MAPKAPK2: variants seen among roughly 807,000 people sequenced by gnomAD.
MAPKAPK2 encodes MAPK activated protein kinase 2, also known as MAP kinase-activated protein kinase 2.
Under a neutral mutation model 48.8 loss-of-function variants are expected in MAPKAPK2, and 9 were observed. The observed-to-expected ratio is 0.18, with a 90% CI of 0.11 to 0.32. MAPKAPK2 has a LOEUF of 0.32. Ranked by LOEUF, MAPKAPK2 falls within the 10% of genes least tolerant of loss-of-function variation. The pLI, the probability that MAPKAPK2 is intolerant of heterozygous loss-of-function variation, is 1.00. For missense variants in MAPKAPK2, 331 were observed against 498.3 expected (o/e 0.66, Z 3.20); for synonymous variants, 202 against 190.6 (o/e 1.06, Z -0.49).
At position 206,732,725 on chromosome 1, in the gene MAPKAPK2, G is replaced by A. The variant is rs1033603088; in HGVS notation, c.*7G>A. Reference sequence around the variant, plus strand: ...TGCGGCTCTGGCCCACTGAGCCACCGCGCCCTCCTGCCCACGGGAGGACAA... The same window carrying A: ...TGCGGCTCTGGCCCACTGAGCCACCACGCCCTCCTGCCCACGGGAGGACAA... On this transcript the variant is annotated 3_prime_UTR_variant, in exon 10 of 10. Transcript: ENST00000367103. This position sits in a 1 kb window ranked among gnomAD's most constrained non-coding sequence, Gnocchi z 4.4. The A allele has an allele frequency of 7.4e-6, 12 of 1,613,928 alleles. No homozygotes were observed. The highest frequency in any genetic ancestry group is 2.7e-5 in the African/African-American group (2 of 74,930).
At chr1:206,730,226 C>T (rs1394355703) in intron 5 of MAPKAPK2, 128 bp downstream of exon 5, 1 of 1,090,580 alleles carries the variant, frequency 9.2e-7, no homozygotes, top group Non-Finnish European at 1.3e-6. Flanking sequence ...GGTGCTGGTT[C>T]TGCTGGGACC....
chr1:206,715,010 G>C (rs1045598469), intron 1 of MAPKAPK2, among the ~76,000 whole-genome samples: 2 of 152,108 alleles, frequency 1.3e-5, no homozygotes, highest in African/African-American at 4.8e-5. Context: ...ACCACTGCCA[G>C]CAGTGGTTCT....
chr1:206,710,041 C>T (rs1020031384), intron 1 of MAPKAPK2, among the ~76,000 whole-genome samples: 5 of 151,996 alleles, frequency 3.3e-5, no homozygotes, highest in South Asian at 4.1e-4. Flanking sequence ...TCACTGCCAG[C>T]TCTTTAGCAT....
At chr1:206,710,796 T>C (rs1239418204) in intron 1 of MAPKAPK2, among the ~76,000 whole-genome samples, 1 of 152,252 alleles carries the variant, frequency 6.6e-6, no homozygotes, top group Non-Finnish European at 1.5e-5. Context: ...CAAAGGCATA[T>C]GAAAGATACT....
chr1:206,721,440 C>T (rs995022433), intron 1 of MAPKAPK2, among the ~76,000 whole-genome samples: 5 of 152,170 alleles, frequency 3.3e-5, no homozygotes, highest in Non-Finnish European at 5.9e-5. Flanking sequence ...TGTATATTTT[C>T]TTAAAGATAC....
intron 1 of MAPKAPK2, among the ~76,000 whole-genome samples, chr1:206,721,093 TG>T (rs1233973099): frequency 3.9e-5 from 6 of 152,190 alleles, no homozygotes; most frequent in Non-Finnish European, 7.3e-5. Flanking sequence ...GTTTGGGCCA[TG>T]GGGGTAGGTC....
rs782597489 is a variant in MAPKAPK2, at chr1:206,731,679, C to A, written c.932C>A (p.Thr311Asn). The A allele has an allele frequency of 1.9e-6, 3 of 1,614,136 alleles. No individual in the cohort carries two copies. Among genetic ancestry groups the A allele is most frequent in the Non-Finnish European group, 1.7e-6 (2 of 1,180,012 alleles). ...CGGAATCTGCTGAAAACAGAGCCCA[C>A]CCAGAGAATGACCATCACCGAGTTT... ...LIRNLLKTEP[T>N]QRMTITEFMN... The change falls in exon 8 of 10, where the codon ACC becomes AAC. Residue 311 changes from threonine (T) to asparagine (N), a missense_variant. Transcript: ENST00000367103. This position sits in a 1 kb window ranked among gnomAD's most constrained non-coding sequence, Gnocchi z 5.9.
intron 1 of MAPKAPK2, 52 bp downstream of exon 1, chr1:206,685,560 C>A (rs1218855557): frequency 3.6e-6 from 5 of 1,380,214 alleles, no homozygotes; most frequent in East Asian, 3.5e-5. Flanking sequence ...GGCCCTGGAG[C>A]TCCACGGCGT....
At chr1:206,728,533 T>C in intron 1 of MAPKAPK2, among the ~76,000 whole-genome samples, 177 bp from the exon 2 acceptor site, 1 of 143,142 alleles carries the variant, frequency 7.0e-6, no homozygotes, top group Non-Finnish European at 1.5e-5. Context: ...AGATTTCATA[T>C]AGAGCAGATA....
chr1:206,710,278 A>C lies in MAPKAPK2; in HGVS notation c.280-18432A>C, dbSNP rs1673097483. Among the ~76,000 whole-genome samples, 5 of 152,332 alleles carry C rather than the reference A, an allele frequency of 3.3e-5. No individual in the cohort carries two copies. In the South Asian group the frequency reaches 1.0e-3, roughly 32 times the overall value. ...ACTATGTACATAACAGATGCTCTTCATGGTCACTGACTAATCATGTTTCTT... is the reference window on the plus strand; with the variant it reads ...ACTATGTACATAACAGATGCTCTTCCTGGTCACTGACTAATCATGTTTCTT... On this transcript the variant is annotated intron_variant, in intron 1 of 9. Coordinates refer to ENST00000367103, the MANE Select transcript of MAPKAPK2 (RefSeq NM_032960.4).
chr1:206,710,249 G>C (rs1239356237), intron 1 of MAPKAPK2, among the ~76,000 whole-genome samples: 2 of 152,188 alleles, frequency 1.3e-5, no homozygotes, highest in Non-Finnish European at 2.9e-5. Context: ...TCAGTCCACA[G>C]ATCACTATGT....
At chr1:206,700,003 CTTTT>C (rs574216957) in intron 1 of MAPKAPK2, among the ~76,000 whole-genome samples, 2 of 126,352 alleles carry the variant, frequency 1.6e-5, no homozygotes, top group African/African-American at 5.8e-5. Flanking sequence ...CTTCTTCTTA[CTTTT>C]TTTTTTTTTT....
intron 1 of MAPKAPK2, among the ~76,000 whole-genome samples, chr1:206,710,323 A>G (rs1446677514): frequency 1.3e-5 from 2 of 152,178 alleles, no homozygotes; most frequent in African/African-American, 2.4e-5. Flanking sequence ...TCTTTTGGTG[A>G]TTGGTCACTG....
chr1:206,697,643 C>G (rs1187920748), intron 1 of MAPKAPK2, among the ~76,000 whole-genome samples: 1 of 152,144 alleles, frequency 6.6e-6, no homozygotes, highest in African/African-American at 2.4e-5. Context: ...GGGATCTGCC[C>G]CCAAGACCCA....
intron 1 of MAPKAPK2, among the ~76,000 whole-genome samples, chr1:206,701,856 A>AG (rs1553427962): frequency 6.7e-6 from 1 of 150,182 alleles, no homozygotes; most frequent in African/African-American, 2.5e-5. Context: ...AAAAAAAAAA[A>AG]GAGGAGTTCA....
rs1397200498 is a variant in MAPKAPK2 at position 206,704,601 on chromosome 1, G to A, written c.279+19093G>A. 3.3e-5 allele frequency among the ~76,000 whole-genome samples: 5 copies of A among 152,206 alleles called. No individual in the cohort carries two copies. Among genetic ancestry groups the A allele is most frequent in the African/African-American group, 9.7e-5 (4 of 41,430 alleles). On this transcript the variant is annotated intron_variant, in intron 1 of 9. Coordinates refer to ENST00000367103, the MANE Select transcript of MAPKAPK2 (RefSeq NM_032960.4). This position sits in a 1 kb window ranked among gnomAD's most constrained non-coding sequence, Gnocchi z 4.3. ...CTCATCTAGGGGCTGATATCTGTCC[G>A]TGGTGACATAAGCACACATGATCTG...
Position 206,695,838 on chromosome 1 carries a change from C to G in MAPKAPK2, c.279+10330C>G, listed in dbSNP as rs1572481590. 1.2e-5 allele frequency: 6 copies of G among 493,398 alleles called. No homozygotes were observed. In the East Asian group the frequency reaches 2.4e-4, roughly 20 times the overall value. 30.6% of individuals were successfully genotyped at this position (493,398 alleles called of 1,614,324 possible). A position where few individuals can be genotyped will look rare whatever the true frequency, so the allele number is the denominator to read the frequency against. ...ATTTGAGGAGTCCTGTGCACAGTGACCATGGCAACCCCCCTTCCTGCGGGT... is the reference window on the plus strand; with the variant it reads ...ATTTGAGGAGTCCTGTGCACAGTGAGCATGGCAACCCCCCTTCCTGCGGGT... On this transcript the variant is annotated intron_variant, in intron 1 of 9. Coordinates refer to ENST00000367103, the MANE Select transcript of MAPKAPK2 (RefSeq NM_032960.4).
rs112698002 is a variant in MAPKAPK2, at chr1:206,731,637, C to G, written c.893-3C>G. 1 of 1,613,168 alleles carries G rather than the reference C, an allele frequency of 6.2e-7. No individual in the cohort carries two copies. ...TGTCACTGCCCCCTGTCCCACCCCA[C>G]AGTGAAGATGCTCATTCGGAATCTG... On this transcript the variant is annotated splice_polypyrimidine_tract_variant and splice_region_variant and intron_variant, in intron 7 of 9. Coordinates refer to ENST00000367103, the MANE Select transcript of MAPKAPK2 (RefSeq NM_032960.4). This position sits in a 1 kb window ranked among gnomAD's most constrained non-coding sequence, Gnocchi z 5.9.
At position 206,732,715 on chromosome 1, in the gene MAPKAPK2, C is replaced by G. The variant is rs781933066; in HGVS notation, c.1200C>G (p.His400Gln). The G allele has an allele frequency of 1.2e-6, 2 of 1,614,170 alleles. No individual in the cohort carries two copies. Among genetic ancestry groups the G allele is most frequent in the South Asian group, 2.2e-5 (2 of 91,082 alleles). ...ARALEAAALA[H>Q] The stretch of plus-strand genomic sequence containing the variant: ...CCCTGGAGGCTGCGGCTCTGGCCCA[C>G]TGAGCCACCGCGCCCTCCTGCCCAC... The change falls in exon 10 of 10, where the codon CAC becomes CAG. Residue 400 changes from histidine (H) to glutamine (Q), a missense_variant. By Grantham distance (24) the His-to-Gln change is conservative. Coordinates refer to ENST00000367103, the MANE Select transcript of MAPKAPK2 (RefSeq NM_032960.4). This position sits in a 1 kb window ranked among gnomAD's most constrained non-coding sequence, Gnocchi z 4.4.
Sources: gnomAD v4.1 joint callset for allele counts (sites outside exome capture counted in the v4.1 genomes callset) on GRCh38, gnomAD v4.1.1 for gene constraint, Gnocchi (gnomAD v3.1) non-coding constraint, MANE v1.5 for transcripts, NCBI Gene and HGNC (gene_info 2026-07-23, HGNC 2026-07-21) for gene names.